Variants in THSD7B observed in about 807,000 individuals in gnomAD.
THSD7B encodes thrombospondin type-1 domain-containing protein 7B.
Under a neutral mutation model 213.6 loss-of-function variants are expected in THSD7B, and 138 were observed. The ratio of observed to expected loss-of-function variants is 0.65; its 90% CI spans 0.56 to 0.74. The LOEUF is 0.74. Among genes scored for constraint, THSD7B ranks in the 30% least tolerant of loss-of-function variants. THSD7B has a pLI of 0.00. For missense variants in THSD7B, 1,931 were observed against 1,991.5 expected (o/e 0.97, Z 0.58); for synonymous variants, 742 against 687.0 (o/e 1.08, Z -1.25).
At chr2:136,791,554 C>T (rs1427596) in intron 1 of THSD7B, among the ~76,000 whole-genome samples, 6,397 of 151,626 alleles carry the variant, frequency 0.042, 468 homozygotes, top group African/African-American at 0.14. Context: ...CCTCCCCCGC[C>T]CCCCATCCGA....
chr2:137,264,218 G>T (rs1479302106), intron 10 of THSD7B, among the ~76,000 whole-genome samples: 5 of 150,934 alleles, frequency 3.3e-5, no homozygotes, highest in African/African-American at 4.9e-5. Flanking sequence ...TGCCATCTTT[G>T]CTGTCTATAG....
At chr2:137,249,695 C>T (rs187010482) in intron 10 of THSD7B, among the ~76,000 whole-genome samples, 40 of 152,280 alleles carry the variant, frequency 2.6e-4, no homozygotes, top group East Asian at 1.3e-3. Flanking sequence ...GTAACTGCTC[C>T]GAGGTTACCC....
rs977144354 is a variant in THSD7B, at chr2:137,074,089, T to A, written c.950+16859T>A. Reference sequence around the variant, plus strand: ...GATTTGGGGTGGAGAGTTTTGTAAATGTCTATTAGGTCCGCTTGGTACAGA... The same window carrying A: ...GATTTGGGGTGGAGAGTTTTGTAAAAGTCTATTAGGTCCGCTTGGTACAGA... On this transcript the variant is annotated intron_variant, in intron 3 of 27. Coordinates refer to ENST00000409968, the MANE Select transcript of THSD7B (RefSeq NM_001316349.2). Among the ~76,000 whole-genome samples, 9 of 151,248 alleles carry A rather than the reference T, an allele frequency of 6.0e-5. No individual in the cohort carries two copies. In the South Asian group the frequency reaches 1.5e-3, roughly 24 times the overall value.
At chr2:137,575,177 A>AT (rs544955514) in intron 17 of THSD7B, among the ~76,000 whole-genome samples, 1 of 151,994 alleles carries the variant, frequency 6.6e-6, no homozygotes, top group Admixed American at 6.6e-5. Context: ...AATAATAGCT[A>AT]TTTTTTTCAG....
At chr2:137,193,115 A>G (rs1051601616) in intron 7 of THSD7B, among the ~76,000 whole-genome samples, 1 of 152,086 alleles carries the variant, frequency 6.6e-6, no homozygotes, top group Non-Finnish European at 1.5e-5. Context: ...AGTCCAGCCA[A>G]TCTCCCAGCG....
At chr2:137,173,013 A>G (rs1680288125) in intron 7 of THSD7B, among the ~76,000 whole-genome samples, 1 of 152,118 alleles carries the variant, frequency 6.6e-6, no homozygotes. Flanking sequence ...GTCTCAGGAA[A>G]TTTATTTAAC....
At chr2:137,058,087 G>A (rs575614543) in intron 3 of THSD7B, among the ~76,000 whole-genome samples, 2 of 152,210 alleles carry the variant, frequency 1.3e-5, no homozygotes, top group Admixed American at 6.5e-5. Context: ...CTCATCAGTT[G>A]CTGCCTTCTT....
chr2:136,948,996 AG>A (rs1684989896), intron 2 of THSD7B, among the ~76,000 whole-genome samples: 1 of 152,126 alleles, frequency 6.6e-6, no homozygotes, highest in South Asian at 2.1e-4. Flanking sequence ...TTTGGAGATG[AG>A]GGGTCTCACT....
intron 1 of THSD7B, among the ~76,000 whole-genome samples, chr2:136,865,830 A>G (rs1306968749): frequency 6.6e-6 from 1 of 152,174 alleles, no homozygotes; most frequent in Non-Finnish European, 1.5e-5. Context: ...GTATGTTTTT[A>G]AGTAGTGGCA....
intron 2 of THSD7B, among the ~76,000 whole-genome samples, chr2:137,011,263 C>T (rs1003961641): frequency 1.3e-5 from 2 of 152,142 alleles, no homozygotes; most frequent in African/African-American, 4.8e-5. Context: ...ACCCCTAAAG[C>T]TTTATATTCC....
chr2:137,311,735 A>G (rs1683914309), intron 12 of THSD7B, among the ~76,000 whole-genome samples: 1 of 151,530 alleles, frequency 6.6e-6, no homozygotes, highest in South Asian at 2.1e-4. Context: ...AATTTTGTCA[A>G]AGGCCTTTTC....
chr2:136,825,718 A>ATTTTTTTTTTTGTTGTTTTTT (rs1682635243), intron 1 of THSD7B, among the ~76,000 whole-genome samples: 3 of 116,896 alleles, frequency 2.6e-5, no homozygotes, highest in South Asian at 3.1e-4. Flanking sequence ...TGCCTGGCTA[A>ATTTTTTTTTTTGTTGTTTTTT]TTTTTTTTTT....
intron 1 of THSD7B, among the ~76,000 whole-genome samples, chr2:136,786,942 C>T (rs1163019142): frequency 6.6e-6 from 1 of 152,074 alleles, no homozygotes; most frequent in Non-Finnish European, 1.5e-5. Context: ...AAAGGGGGTA[C>T]ATCAGCTTTC....
intron 4 of THSD7B, among the ~76,000 whole-genome samples, chr2:137,114,797 A>T (rs1319206867): frequency 6.6e-6 from 1 of 152,164 alleles, no homozygotes. Flanking sequence ...GCTATCAAGA[A>T]TTAGGCTCAT....
At chr2:136,839,639 G>A (rs75420917) in intron 1 of THSD7B, among the ~76,000 whole-genome samples, 2,332 of 152,212 alleles carry the variant, frequency 0.015, 54 homozygotes, top group African/African-American at 0.054. Flanking sequence ...ACAATGGAGG[G>A]TATAAAGGGA....
At chr2:137,605,223 G>A (rs1682149271) in intron 17 of THSD7B, among the ~76,000 whole-genome samples, 1 of 152,136 alleles carries the variant, frequency 6.6e-6, no homozygotes, top group South Asian at 2.1e-4. Flanking sequence ...TGGAAAATAA[G>A]TTTAAGATTT....
chr2:137,072,215 G>A (rs1036544466), intron 3 of THSD7B, among the ~76,000 whole-genome samples: 41 of 152,048 alleles, frequency 2.7e-4, no homozygotes, highest in Admixed American at 2.2e-3. Flanking sequence ...CCATTTTCAC[G>A]ATATTGATTC....
chr2:136,944,596 C>A (rs57984351), intron 2 of THSD7B, among the ~76,000 whole-genome samples: 12,555 of 151,956 alleles, frequency 0.083, 904 homozygotes, highest in African/African-American at 0.19. Flanking sequence ...TATTTAGGAT[C>A]GTTAGCTCTT....
Position 137,329,733 on chromosome 2 carries a change from C to A in THSD7B, c.2500+53707C>A, listed in dbSNP as rs145932932. On this transcript the variant is annotated intron_variant, in intron 12 of 27. Coordinates refer to ENST00000409968, the MANE Select transcript of THSD7B (RefSeq NM_001316349.2). ...CGAGGATAAAAGTTTGGAAAATTTGCCTGACAATGTAATAGGAAAGAAAAA... is the reference window on the plus strand; with the variant it reads ...CGAGGATAAAAGTTTGGAAAATTTGACTGACAATGTAATAGGAAAGAAAAA... 2.6e-5 allele frequency among the ~76,000 whole-genome samples: 4 copies of A among 152,184 alleles called. No individual in the cohort carries two copies. In the East Asian group the frequency reaches 7.7e-4, roughly 29 times the overall value.
Sources: gnomAD v4.1 joint callset for allele counts (sites outside exome capture counted in the v4.1 genomes callset) on GRCh38, gnomAD v4.1.1 for gene constraint, MANE v1.5 for transcripts, NCBI Gene and HGNC (gene_info 2026-07-23, HGNC 2026-07-21) for gene names.